The following SASH1 variants were observed in gnomAD, a reference collection of about 807,000 sequenced individuals.
The protein encoded by SASH1 is SAM and SH3 domain-containing protein 1.
Under a neutral mutation model 125.2 loss-of-function variants are expected in SASH1, and 44 were observed. The observed-to-expected ratio is 0.35, with a 90% CI of 0.28 to 0.45. The LOEUF (loss-of-function observed/expected upper bound fraction) is 0.45, where lower values mean the gene tolerates loss of function less well. SASH1 is among the 20% of genes least tolerant of loss of function. SASH1 has a pLI of 1.00. For synonymous variants in SASH1, 639 were observed against 649.1 expected (o/e 0.98, Z 0.24); for missense variants, 1,426 against 1,614.5 (o/e 0.88, Z 2.00).
At chr6:148,339,251 C>T (rs1319161049), upstream of SASH1, among the ~76,000 whole-genome samples, 1 of 151,942 alleles carries the variant, frequency 6.6e-6, no homozygotes, top group Non-Finnish European at 1.5e-5. Flanking sequence ...ACCATGTTGG[C>T]CAGGATGGTC....
intron 2 of SASH1, among the ~76,000 whole-genome samples, chr6:148,400,059 A>C (rs186094115): frequency 2.0e-5 from 3 of 152,280 alleles, no homozygotes; most frequent in Admixed American, 2.0e-4. Flanking sequence ...CACTAGAGGC[A>C]GTATGATCTG....
the SASH1 span, among the ~76,000 whole-genome samples, chr6:148,229,268 A>G: frequency 6.6e-6 from 1 of 152,202 alleles, no homozygotes; most frequent in Non-Finnish European, 1.5e-5. Flanking sequence ...AGTACAGGAT[A>G]GAATTGCCCT....
the SASH1 span, among the ~76,000 whole-genome samples, chr6:148,225,610 C>T: frequency 6.6e-6 from 1 of 152,166 alleles, no homozygotes; most frequent in African/African-American, 2.4e-5. Context: ...AAAGAAGACA[C>T]ATTGGGTACA....
intron 4 of SASH1, among the ~76,000 whole-genome samples, chr6:148,463,252 C>G (rs1777697282): frequency 6.6e-6 from 1 of 151,886 alleles, no homozygotes; most frequent in Non-Finnish European, 1.5e-5. Flanking sequence ...TCAAGTGATT[C>G]TCCTGCCTCA....
chr6:148,422,416 A>G (rs1300794399), intron 2 of SASH1, among the ~76,000 whole-genome samples: 1 of 152,226 alleles, frequency 6.6e-6, no homozygotes, highest in Non-Finnish European at 1.5e-5. Flanking sequence ...AGTTGTAGAA[A>G]GAAAAAGTTG....
At chr6:148,469,095 G>A (rs1777978027) in intron 5 of SASH1, 2 of 152,400 alleles carry the variant, frequency 1.3e-5, no homozygotes, top group African/African-American at 4.8e-5. Flanking sequence ...ATTCACTCTT[G>A]GTTTAGTAAC....
upstream of SASH1, among the ~76,000 whole-genome samples, chr6:148,341,769 CT>C (rs59315985): frequency 0.1 from 15,444 of 150,356 alleles, 1,015 homozygotes; most frequent in East Asian, 0.27. Flanking sequence ...GGGCATCTCA[CT>C]TTTTTTTTTC....
At chr6:148,220,506 C>T in the SASH1 span, among the ~76,000 whole-genome samples, 44 of 152,296 alleles carry the variant, frequency 2.9e-4, no homozygotes, top group African/African-American at 1.0e-3. Flanking sequence ...CATATTCAAA[C>T]CATAGCAGTA....
In SASH1 at chr6:148,440,388, A is replaced by G; in HGVS notation, c.367A>G (p.Thr123Ala). The change falls in exon 4 of 20, where the codon ACC becomes GCC. Residue 123 changes from threonine (T) to alanine (A), a missense_variant. Physicochemically the swap from Thr to Ala is moderately conservative, Grantham distance 58. Around this residue, in one of 3 missense-constraint regions of SASH1, gnomAD observed 567 missense variants for 575.6 expected, o/e 0.99. Coordinates refer to ENST00000367467, the MANE Select transcript of SASH1 (RefSeq NM_015278.5). ...ESLGFCSAVS[T>A]PEVERKNPLH... Reference sequence around the variant, plus strand: ...GCTTGGCTTCTGTAGCGCCGTGTCAACCCCAGAAGTGGAAAGAAAGTAAGT... The same window carrying G: ...GCTTGGCTTCTGTAGCGCCGTGTCAGCCCCAGAAGTGGAAAGAAAGTAAGT... 6.2e-7 allele frequency: 1 copy of G among 1,613,978 alleles called. No individual in the cohort carries two copies. The highest frequency in any genetic ancestry group is 8.5e-7 in the Non-Finnish European group (1 of 1,179,988).
upstream of SASH1, among the ~76,000 whole-genome samples, chr6:148,341,871 G>A (rs1275258543): frequency 6.6e-6 from 1 of 152,014 alleles, no homozygotes; most frequent in East Asian, 1.9e-4. Flanking sequence ...CGAATGTGAC[G>A]TGCATTGTCA....
Position 148,343,220 on chromosome 6 carries a change from C to T in SASH1, c.153C>T (p.Ile51=), listed in dbSNP as rs776781616. The change falls in exon 1 of 20, where the codon ATC becomes ATT. Residue 51 remains isoleucine (I), a synonymous_variant. Coordinates refer to ENST00000367467, the MANE Select transcript of SASH1 (RefSeq NM_015278.5). Reference sequence around the variant, plus strand: ...GACTCTGGACCGACGTGATGGGTATCCTGGTAAGTTACCTGGGGAGGGGGC... The same window carrying T: ...GACTCTGGACCGACGTGATGGGTATTCTGGTAAGTTACCTGGGGAGGGGGC... The part of the protein sequence containing the change: ...FSRLWTDVMG[I]LDGSLGNIDD... 4 of 1,585,094 alleles carry T rather than the reference C, an allele frequency of 2.5e-6. No homozygotes were observed. Among genetic ancestry groups the T allele is most frequent in the Non-Finnish European group, 3.4e-6 (4 of 1,170,672 alleles).
chr6:148,532,829 A>G lies in SASH1; in HGVS notation c.1597A>G (p.Thr533Ala), dbSNP rs750964462. 6.2e-7 allele frequency: 1 copy of G among 1,614,174 alleles called. No individual in the cohort carries two copies. The highest frequency in any genetic ancestry group is 8.5e-7 in the Non-Finnish European group (1 of 1,180,024). ...GQTVSTTDSSTSNRESVKSED... is the reference protein window; with the variant it reads ...GQTVSTTDSSASNRESVKSED... The stretch of plus-strand genomic sequence containing the variant: ...AACAGTGAGCACCACTGATTCCTCA[A>G]CCAGCAACCGGGAAAGCGTCAAGTC... The change falls in exon 14 of 20, where the codon ACC becomes GCC. Residue 533 changes from threonine to alanine, a missense_variant. By Grantham distance (58) the Thr-to-Ala change is moderately conservative. Transcript: ENST00000367467. The surrounding 1 kb of genome is among the most constrained non-coding windows in gnomAD (Gnocchi z 4.7).
intron 8 of SASH1, chr6:148,508,959 A>G (rs1472417880): frequency 1.5e-6 from 1 of 649,546 alleles, no homozygotes; most frequent in Non-Finnish European, 2.5e-6. Context: ...GCTCCTGCCT[A>G]TGATGTTTCT....
chr6:148,403,224 A>G (rs1367737910), intron 2 of SASH1, among the ~76,000 whole-genome samples: 1 of 151,764 alleles, frequency 6.6e-6, no homozygotes, highest in Non-Finnish European at 1.5e-5. Context: ...TATGATATCA[A>G]AACGCTATAT....
chr6:148,439,123 ATTTG>A (rs1455731650), intron 2 of SASH1, among the ~76,000 whole-genome samples: 7 of 152,256 alleles, frequency 4.6e-5, no homozygotes, highest in South Asian at 2.1e-4. Context: ...ATCACAGGTA[ATTTG>A]TTTATCTAAA....
At chr6:148,467,583 A>G (rs1699580668) in intron 4 of SASH1, among the ~76,000 whole-genome samples, 1 of 152,192 alleles carries the variant, frequency 6.6e-6, no homozygotes, top group South Asian at 2.1e-4. Flanking sequence ...ATTTGGACAC[A>G]TGTTTAAAAA....
the SASH1 span, among the ~76,000 whole-genome samples, chr6:148,256,017 T>C: frequency 6.6e-6 from 1 of 152,216 alleles, no homozygotes; most frequent in Non-Finnish European, 1.5e-5. Flanking sequence ...TTTGCTTCTT[T>C]TGTCCCTTTC....
chr6:148,383,318 T>C (rs1159195853), intron 1 of SASH1, among the ~76,000 whole-genome samples: 1 of 152,222 alleles, frequency 6.6e-6, no homozygotes. Context: ...CTTTTTTTAA[T>C]GGATTTAGCT....
In SASH1 at chr6:148,533,864, G is replaced by A. The variant is rs753688410; in HGVS notation, c.1828G>A (p.Val610Met). ...AGTCGGCACGTTCAAGTTCATCTAC[G>A]TGGACGTGCTCAGTGAAGACGAGGA... ...NKVGTFKFIY[V>M]DVLSEDEEKP... Residue 610 changes from valine (V) to methionine (M), a missense_variant, in exon 15 of 20, where the codon GTG becomes ATG. Val to Met is a conservative substitution (Grantham distance 21). Transcript: ENST00000367467. This position sits in a 1 kb window ranked among gnomAD's most constrained non-coding sequence, Gnocchi z 6.2. 9 of 1,614,052 alleles carry A rather than the reference G, an allele frequency of 5.6e-6. No individual in the cohort carries two copies. Among genetic ancestry groups the A allele is most frequent in the East Asian group, 2.2e-5 (1 of 44,868 alleles).
Sources: allele counts gnomAD v4.1 joint callset (sites outside exome capture counted in the v4.1 genomes callset), GRCh38; gene constraint gnomAD v4.1.1; regional missense constraint gnomAD v4.1.1; non-coding constraint Gnocchi (gnomAD v3.1); transcripts MANE v1.5; gene names NCBI Gene and HGNC (gene_info 2026-07-23, HGNC 2026-07-21).